The following ZBED4 variants were observed in gnomAD, a reference collection of about 807,000 sequenced individuals.
ZBED4 encodes zinc finger BED domain-containing protein 4.
A neutral mutation model predicts 15.5 loss-of-function variants in ZBED4; 4 were observed. The ratio of observed to expected loss-of-function variants is 0.26; its 90% CI spans 0.13 to 0.59. The LOEUF (loss-of-function observed/expected upper bound fraction) is 0.59, where lower values mean the gene tolerates loss of function less well. ZBED4 is among the 20% of genes least tolerant of loss of function. The probability of loss-of-function intolerance (pLI) is 0.90; values close to 1 mark genes in which losing one functional copy is unlikely to be tolerated. For synonymous variants in ZBED4, 692 were observed against 608.5 expected (o/e 1.14, Z -2.02); for missense variants, 1,323 against 1,461.8 (o/e 0.91, Z 1.55).
At chr22:49,864,948 C>CT (rs1048957450) in intron 1 of ZBED4, among the ~76,000 whole-genome samples, 6 of 98,532 alleles carry the variant, frequency 6.1e-5, no homozygotes, top group Non-Finnish European at 7.3e-5. Flanking sequence ...CCCCCCCCCC[C>CT]CCCCGTGAAG....
chr22:49,854,684 C>T (rs1362891174), intron 1 of ZBED4, among the ~76,000 whole-genome samples: 1 of 152,186 alleles, frequency 6.6e-6, no homozygotes, highest in African/African-American at 2.4e-5. Context: ...CGCAGCCCCT[C>T]GGGCTCCCTT....
At chr22:49,854,028 A>T (rs1812833339) in intron 1 of ZBED4, 39 bp downstream of exon 1, 1 of 143,924 alleles carries the variant, frequency 6.9e-6, no homozygotes, top group African/African-American at 2.5e-5. Context: ...GCCTGCCGCG[A>T]GCCCCGTCCC....
intron 1 of ZBED4, among the ~76,000 whole-genome samples, chr22:49,857,013 C>T (rs934074085): frequency 2.6e-5 from 4 of 152,320 alleles, no homozygotes; most frequent in East Asian, 1.9e-4. Flanking sequence ...CTGCAGCCCC[C>T]TACCTGATTA....
chr22:49,853,828 G>C (rs894113200), upstream of ZBED4: 9 of 145,002 alleles, frequency 6.2e-5, no homozygotes, highest in Non-Finnish European at 1.2e-4. Context: ...GCGCCGCGCG[G>C]GGCCCTGGGA....
Position 49,886,087 on chromosome 22 carries a change from G to A in ZBED4, c.2425G>A (p.Asp809Asn), listed in dbSNP as rs138022901. ...TGLQVGITVT[D>N]NASIGKTLNE... Reference sequence around the variant, plus strand: ...CCTTCAGGTGGGCATCACCGTCACCGACAACGCCAGCATCGGGAAGACGCT... The same window carrying A: ...CCTTCAGGTGGGCATCACCGTCACCAACAACGCCAGCATCGGGAAGACGCT... The change falls in exon 2 of 2, where the codon GAC (aspartate) becomes AAC (asparagine). Residue 809 changes from aspartate to asparagine, a missense_variant. Asp to Asn is a conservative substitution (Grantham distance 23). Around this residue, in one of 6 missense-constraint regions of ZBED4, gnomAD observed 100 missense variants for 79.3 expected, o/e 1.26. Coordinates refer to ENST00000216268, the MANE Select transcript of ZBED4 (RefSeq NM_014838.3). This position sits in a 1 kb window ranked among gnomAD's most constrained non-coding sequence, Gnocchi z 7.7. 2.4e-5 allele frequency: 16 copies of A among 680,524 alleles called. No individual in the cohort carries two copies. Among genetic ancestry groups the A allele is most frequent in the African/African-American group, 9.0e-5 (5 of 55,812 alleles). The allele number at this position is 680,524 out of a possible 1,614,324, so 42.2% of individuals were successfully genotyped here.
intron 1 of ZBED4, among the ~76,000 whole-genome samples, chr22:49,872,778 CA>C (rs1448600041): frequency 6.6e-6 from 1 of 151,654 alleles, no homozygotes; most frequent in African/African-American, 2.4e-5. Context: ...GATCGCGGCT[CA>C]CTGCAACCTC....
Position 49,883,501 on chromosome 22 carries a change from C to CT in ZBED4, c.-155dup, listed in dbSNP as rs1427182213. On this transcript the variant is annotated 5_prime_UTR_variant, in exon 2 of 2. It introduces an in-frame stop codon into an upstream open reading frame of the 5' UTR. Transcript: ENST00000216268. Reference sequence around the variant, plus strand: ...GCTGTAAGACCATGAGTCACAGATTCTTTTTTTCAGTACTATTTATGATTA... The same window carrying CT: ...GCTGTAAGACCATGAGTCACAGATTCTTTTTTTTCAGTACTATTTATGATTA... 9.8e-7 allele frequency: 1 copy of CT among 1,019,190 alleles called. No homozygotes were observed. The highest frequency in any genetic ancestry group is 1.4e-6 in the Non-Finnish European group (1 of 735,734). The allele number at this position is 1,019,190 out of a possible 1,614,324, so 63.1% of individuals were successfully genotyped here.
rs2060430979 is a variant in ZBED4 at position 49,885,141 on chromosome 22, C to A, written c.1479C>A (p.Gly493=). Residue 493 remains glycine (G), a synonymous_variant, in exon 2 of 2, where the codon GGC becomes GGA. Transcript: ENST00000216268. ...AISRGKKGDV[G]TSCLMRHLYR... is the part of the protein sequence containing the mutation. ...GCCGGGGGAAGAAGGGTGATGTGGG[C>A]ACCAGCTGCCTGATGAGACATCTCT... The A allele has an allele frequency of 6.2e-7, 1 of 1,613,216 alleles. No homozygotes were observed. The highest frequency in any genetic ancestry group is 1.7e-5 in the Admixed American group (1 of 59,932).
chr22:49,876,462 A>G (rs992415756), intron 1 of ZBED4, among the ~76,000 whole-genome samples: 1 of 152,140 alleles, frequency 6.6e-6, no homozygotes, highest in African/African-American at 2.4e-5. Context: ...TTGCAGGTAT[A>G]TGCACCTTTG....
Position 49,883,609 on chromosome 22 carries a change from C to A in ZBED4, c.-54C>A. 6.8e-7 allele frequency: 1 copy of A among 1,472,890 alleles called. No individual in the cohort carries two copies. The highest frequency in any genetic ancestry group is 9.0e-7 in the Non-Finnish European group (1 of 1,105,814). 91.2% of individuals were successfully genotyped at this position (1,472,890 alleles called of 1,614,324 possible). ...CTACATTCGGGGGCACAAATGAGCA[C>A]TTGGATCAGTGTTTTATGAACCTAA... On this transcript the variant is annotated 5_prime_UTR_variant, in exon 2 of 2. Coordinates refer to ENST00000216268, the MANE Select transcript of ZBED4 (RefSeq NM_014838.3).
intron 1 of ZBED4, among the ~76,000 whole-genome samples, chr22:49,881,974 A>G (rs2060411957): frequency 6.6e-6 from 1 of 152,230 alleles, no homozygotes; most frequent in African/African-American, 2.4e-5. Context: ...GGGCAACCAT[A>G]CATCTTGCTT....
Position 49,884,968 on chromosome 22 carries a change from C to G in ZBED4, c.1306C>G (p.Leu436Val), listed in dbSNP as rs766928121. 1 of 1,612,924 alleles carries G rather than the reference C, an allele frequency of 6.2e-7. No individual in the cohort carries two copies. Among genetic ancestry groups the G allele is most frequent in the Admixed American group, 1.7e-5 (1 of 59,808 alleles). ...SSPEKQQADG[L>V]SPRLFESGAI... ...TCCTGAGAAGCAGCAGGCTGATGGG[C>G]TGAGTCCTAGATTGTTTGAATCTGG... The change falls in exon 2 of 2, where the codon CTG becomes GTG. Residue 436 changes from leucine to valine, a missense_variant. Leu to Val is a conservative substitution (Grantham distance 32, BLOSUM62 1). Transcript: ENST00000216268.
intron 1 of ZBED4, among the ~76,000 whole-genome samples, chr22:49,855,623 T>G (rs901049776): frequency 3.3e-5 from 5 of 152,160 alleles, no homozygotes; most frequent in African/African-American, 1.2e-4. Flanking sequence ...TGAGGAGCCC[T>G]GGGGAGTGGA....
rs200439829 is a variant in ZBED4, at chr22:49,886,653, C to T, written c.2991C>T (p.Leu997=). Residue 997 remains leucine (L), a synonymous_variant, in exon 2 of 2, where the codon CTC becomes CTT. Coordinates refer to ENST00000216268, the MANE Select transcript of ZBED4 (RefSeq NM_014838.3). This position sits in a 1 kb window ranked among gnomAD's most constrained non-coding sequence, Gnocchi z 7.7. ...EAMVSRLSAT[L]HDPRYVFATL... ...TGGTGAGCCGCCTGTCTGCCACCCT[C>T]CACGACCCGCGGTACGTCTTCGCCA... is the stretch of plus-strand genomic sequence containing the variant. The T allele has an allele frequency of 3.1e-6, 5 of 1,603,230 alleles. No individual in the cohort carries two copies. The highest frequency in any genetic ancestry group is 3.4e-6 in the Non-Finnish European group (4 of 1,174,980).
intron 1 of ZBED4, among the ~76,000 whole-genome samples, chr22:49,862,405 A>G (rs1054961680): frequency 1.3e-5 from 2 of 152,250 alleles, no homozygotes; most frequent in Admixed American, 6.5e-5. Context: ...CGCCCAGCCT[A>G]GTGTAGCTTT....
At position 49,885,130 on chromosome 22, in the gene ZBED4, G is replaced by A; in HGVS notation, c.1468G>A (p.Gly490Ser). ...CTGTGCCATCAGCCGGGGGAAGAAG[G>A]GTGATGTGGGCACCAGCTGCCTGAT... ...CGCAISRGKK[G>S]DVGTSCLMRH... is the part of the protein sequence containing the mutation. Residue 490 changes from glycine to serine, a missense_variant, in exon 2 of 2, where the codon GGT (glycine) becomes AGT (serine). Transcript: ENST00000216268. The A allele has an allele frequency of 1.9e-6, 3 of 1,612,824 alleles. No individual in the cohort carries two copies. The South Asian group carries it at 3.3e-5, about 18-fold the overall frequency.
At chr22:49,855,839 A>G (rs978749590) in intron 1 of ZBED4, among the ~76,000 whole-genome samples, 10 of 152,184 alleles carry the variant, frequency 6.6e-5, no homozygotes, top group African/African-American at 1.9e-4. Flanking sequence ...TTCCTTACCA[A>G]CGTTGTTTCC....
Position 49,885,438 on chromosome 22 carries a change from G to A in ZBED4, c.1776G>A (p.Pro592=), listed in dbSNP as rs142674632. The A allele has an allele frequency of 1.2e-4, 193 of 1,610,024 alleles. No individual in the cohort carries two copies. The African/African-American group carries it at 2.0e-3, about 17-fold the overall frequency. The change falls in exon 2 of 2, where the codon CCG becomes CCA. Residue 592 remains proline (P), a synonymous_variant. Transcript: ENST00000216268. ...CGRTISRGKK[P]TNLGTSCLLR... Reference sequence around the variant, plus strand: ...GGACCATCAGCCGGGGGAAGAAGCCGACTAACTTGGGTACCAGCTGTCTTC... The same window carrying A: ...GGACCATCAGCCGGGGGAAGAAGCCAACTAACTTGGGTACCAGCTGTCTTC...
At chr22:49,864,207 C>G (rs1040518517) in intron 1 of ZBED4, among the ~76,000 whole-genome samples, 2 of 152,312 alleles carry the variant, frequency 1.3e-5, no homozygotes, top group East Asian at 3.9e-4. Flanking sequence ...TTTAATCTTA[C>G]GTCTCCGTCC....
Sources: allele counts gnomAD v4.1 joint callset (sites outside exome capture counted in the v4.1 genomes callset), GRCh38; gene constraint gnomAD v4.1.1; regional missense constraint gnomAD v4.1.1; non-coding constraint Gnocchi (gnomAD v3.1); transcripts MANE v1.5; gene names NCBI Gene and HGNC (gene_info 2026-07-23, HGNC 2026-07-21).